Variants in COL6A1 observed in about 807,000 individuals in gnomAD.
COL6A1 encodes the protein collagen type VI alpha 1 chain, also known as collagen alpha-1(VI) chain.
In COL6A1, 80 loss-of-function variants were observed where a neutral mutation model predicts 145.6. The ratio of observed to expected loss-of-function variants is 0.55; its 90% confidence interval spans 0.46 to 0.66. The LOEUF (loss-of-function observed/expected upper bound fraction) is 0.66. Ranked by LOEUF, COL6A1 falls within the 30% of genes least tolerant of loss-of-function variation. The probability of loss-of-function intolerance (pLI) is 0.00; values close to 1 mark genes in which losing one functional copy is unlikely to be tolerated. For synonymous variants in COL6A1, 638 were observed against 622.8 expected (o/e 1.02, Z -0.36); for missense variants, 1,364 against 1,473.8 (o/e 0.93, Z 1.22).
chr21:45,990,920 T>A, intron 14 of COL6A1, 59 bp from the exon 15 acceptor site: 1 of 1,610,264 alleles, frequency 6.2e-7, no homozygotes, highest in South Asian at 1.1e-5. Flanking sequence ...GGTCTGGGGC[T>A]GCTGCCAGAG....
At chr21:45,988,657 A>G (rs981188815) in intron 8 of COL6A1, among the ~76,000 whole-genome samples, 2 of 152,144 alleles carry the variant, frequency 1.3e-5, no homozygotes, top group Non-Finnish European at 2.9e-5. Context: ...TGTGTGGCTC[A>G]CATAGGATGA....
At chr21:45,998,743 C>G (rs967917473) in intron 24 of COL6A1, among the ~76,000 whole-genome samples, 154 bp from the exon 25 acceptor site, 3 of 152,252 alleles carry the variant, frequency 2.0e-5, no homozygotes, top group Non-Finnish European at 4.4e-5. Context: ...CTAGGCCACT[C>G]CGGGACCCAG....
chr21:45,997,871 A>T, intron 22 of COL6A1, 109 bp downstream of exon 22: 1 of 1,274,418 alleles, frequency 7.8e-7, no homozygotes, highest in Admixed American at 2.3e-5. Context: ...CCGGGCCGGG[A>T]GTGCCCGCAG....
chr21:45,990,665 C>T (rs2077771507), intron 13 of COL6A1, 108 bp from the exon 14 acceptor site: 2 of 1,012,518 alleles, frequency 2.0e-6, no homozygotes, highest in Non-Finnish European at 3.1e-6. Flanking sequence ...CTAGGCAGGG[C>T]TTTCCAGGGA....
chr21:45,982,510 G>A (rs1435510574), intron 1 of COL6A1, 124 bp from the exon 2 acceptor site: 1 of 1,415,924 alleles, frequency 7.1e-7, no homozygotes, highest in Non-Finnish European at 9.8e-7. Flanking sequence ...CCTTTTCCCG[G>A]GAGAGCCTCT....
intron 17 of COL6A1, 57 bp downstream of exon 17, chr21:45,992,274 C>T: frequency 1.9e-6 from 3 of 1,613,532 alleles, no homozygotes; most frequent in South Asian, 1.1e-5. Flanking sequence ...GCTTCTGATC[C>T]TCTTTGCTCG....
rs773119938 is a variant in COL6A1 at position 46,000,374 on chromosome 21, A to G, written c.1813+7A>G. The G allele has an allele frequency of 3.7e-6, 6 of 1,613,930 alleles. No individual in the cohort carries two copies. The South Asian group carries it at 5.5e-5, about 15-fold the overall frequency. On this transcript the variant is annotated splice_region_variant and intron_variant, in intron 28 of 34. Coordinates refer to ENST00000361866, the MANE Select transcript of COL6A1 (RefSeq NM_001848.3). ...ATCATCATGAAAATGTGCTGTGAGT[A>G]TCTCTGAGAAGCCGTCCTCGTTAGG...
chr21:45,999,812 A>G, intron 27 of COL6A1, 120 bp downstream of exon 27: 1 of 826,860 alleles, frequency 1.2e-6, no homozygotes, highest in East Asian at 3.7e-5. Context: ...GGTTGTGGAC[A>G]AAGAGCTGGT....
In COL6A1 at chr21:45,997,684, T is replaced by G. The variant is rs746367774; in HGVS notation, c.1462-16T>G. 8.9e-6 allele frequency: 14 copies of G among 1,579,688 alleles called. No individual in the cohort carries two copies. Among genetic ancestry groups the G allele is most frequent in the African/African-American group, 1.4e-5 (1 of 74,048 alleles). ...ATGCTAAGCCTGCTCCCCTCACGCC[T>G]CCTCTTCCTCCTCAGGGTGCCAGAG... On this transcript the variant is annotated splice_polypyrimidine_tract_variant and intron_variant, in intron 21 of 34. Transcript: ENST00000361866.
rs1487554900 is a variant in COL6A1, at chr21:46,001,261, T to C, written c.1831T>C (p.Cys611Arg). The C allele has an allele frequency of 6.2e-7, 1 of 1,608,476 alleles. No individual in the cohort carries two copies. The highest frequency in any genetic ancestry group is 1.1e-5 in the South Asian group (1 of 91,078). Residue 611 changes from cysteine to arginine, a missense_variant, in exon 30 of 35, where the codon TGC (cysteine) becomes CGC (arginine). By Grantham distance (180) the Cys-to-Arg change is radical. This residue lies in a region of COL6A1 where 938 missense variants were observed against 1,003.8 expected (regional missense o/e 0.93). Coordinates refer to ENST00000361866, the MANE Select transcript of COL6A1 (RefSeq NM_001848.3). ...ACCGCCCCCGCCTGCAGAATGCAAG[T>C]GCGGCCCCATCGACCTCCTGTTCGT... The part of the protein sequence containing the change: ...MKMCSCCECK[C>R]GPIDLLFVLD...
Position 45,982,687 on chromosome 21 carries a change from AG to A in COL6A1, c.153del (p.Arg51SerfsTer2). On this transcript the variant is annotated frameshift_variant, in exon 2 of 35. Coordinates refer to ENST00000361866, the MANE Select transcript of COL6A1 (RefSeq NM_001848.3). LOFTEE classifies it high-confidence loss of function. ...VLDTSESVAL[R>X]LKPYGALVDK... The stretch of plus-strand genomic sequence containing the variant: ...GGACACCTCTGAGAGCGTGGCCCTG[AG>A]GCTGAAGCCCTACGGGGCCCTCGTG... 6.2e-7 allele frequency: 1 copy of A among 1,612,900 alleles called. No homozygotes were observed. Among genetic ancestry groups the A allele is most frequent in the Non-Finnish European group, 8.5e-7 (1 of 1,179,984 alleles).
chr21:46,001,876 A>T, intron 30 of COL6A1, 85 bp from the exon 31 acceptor site: 1 of 1,201,034 alleles, frequency 8.3e-7, no homozygotes, highest in Non-Finnish European at 1.2e-6. Flanking sequence ...CCCTCTGGGC[A>T]CCCGCAGCCA....
Position 45,994,057 on chromosome 21 carries a change from G to A in COL6A1, c.1336-110G>A, listed in dbSNP as rs928370310. On this transcript the variant is annotated intron_variant, in intron 19 of 34. Transcript: ENST00000361866. The surrounding 1 kb of genome is among the most constrained non-coding windows in gnomAD (Gnocchi z 6.8). ...AGGGGCTGTGCGGGGAGGGAAGGCCGGAACAGCCCAGTGACCACCTGGACA... is the reference window on the plus strand; with the variant it reads ...AGGGGCTGTGCGGGGAGGGAAGGCCAGAACAGCCCAGTGACCACCTGGACA... 22 of 1,145,576 alleles carry A rather than the reference G, an allele frequency of 1.9e-5. No individual in the cohort carries two copies. The highest frequency in any genetic ancestry group is 7.7e-5 in the African/African-American group (5 of 65,130). 71.0% of individuals were successfully genotyped at this position (1,145,576 alleles called of 1,614,324 possible).
At chr21:45,983,253 G>A (rs1603589420) in intron 2 of COL6A1, among the ~76,000 whole-genome samples, 1 of 152,286 alleles carries the variant, frequency 6.6e-6, no homozygotes. Context: ...GAGGGGTGTC[G>A]CTCTGCAGCC....
In COL6A1 at chr21:46,004,602, C is replaced by T. The variant is rs1309143257; in HGVS notation, c.*589C>T. ...TTGGGGCAGCCATTGGCCTCTGTCT[C>T]GTTTTGGGAAACCAAGGTCAGGAGG... On this transcript the variant is annotated 3_prime_UTR_variant, in exon 35 of 35. Coordinates refer to ENST00000361866, the MANE Select transcript of COL6A1 (RefSeq NM_001848.3). 3 of 386,352 alleles carry T rather than the reference C, an allele frequency of 7.8e-6. No individual in the cohort carries two copies. Among genetic ancestry groups the T allele is most frequent in the East Asian group, 7.8e-5 (1 of 12,846 alleles). 23.9% of individuals were successfully genotyped at this position (386,352 alleles called of 1,614,324 possible).
At chr21:45,989,884 T>TG in intron 11 of COL6A1, 106 bp downstream of exon 11, 1 of 1,440,562 alleles carries the variant, frequency 6.9e-7, no homozygotes, top group Non-Finnish European at 9.7e-7. Flanking sequence ...GGAGACCACG[T>TG]GTCCTGCAGA....
chr21:46,003,135 A>C lies in COL6A1; in HGVS notation c.2450A>C (p.Asp817Ala). The change falls in exon 34 of 35, where the codon GAT (aspartate) becomes GCT (alanine). Residue 817 changes from aspartate (D) to alanine (A), a missense_variant. By Grantham distance (126) the Asp-to-Ala change is moderately radical. Transcript: ENST00000361866. Reference protein sequence around the residue: ...AQICIDKKCPDYTCPITFSSP... With the variant: ...AQICIDKKCPAYTCPITFSSP... The stretch of plus-strand genomic sequence containing the variant: ...TCTTTTACAGACAAGAAGTGTCCAG[A>C]TTACACCTGCCCCAGTGAGTACCTC... 1 of 1,614,030 alleles carries C rather than the reference A, an allele frequency of 6.2e-7. No individual in the cohort carries two copies. The highest frequency in any genetic ancestry group is 8.5e-7 in the Non-Finnish European group (1 of 1,179,958).
In COL6A1 at chr21:45,995,581, A is replaced by G. The variant is rs540467162; in HGVS notation, c.1398+1352A>G. 7.9e-5 allele frequency among the ~76,000 whole-genome samples: 12 copies of G among 152,354 alleles called. No individual in the cohort carries two copies. In the South Asian group the frequency reaches 2.5e-3, roughly 32 times the overall value. On this transcript the variant is annotated intron_variant, in intron 20 of 34. Coordinates refer to ENST00000361866, the MANE Select transcript of COL6A1 (RefSeq NM_001848.3). ...TATATGTTCAGTTTTCAAAGTAATC[A>G]ATAGCCACTATAAGAAAAAAACAAA...
chr21:45,986,422 G>A (rs1479959849), intron 3 of COL6A1, 104 bp from the exon 4 acceptor site: 3 of 1,146,066 alleles, frequency 2.6e-6, no homozygotes, highest in Admixed American at 2.0e-5. Context: ...AAGAGAGGCG[G>A]CTCCTCCCGG....
Sources: gnomAD v4.1 joint callset for allele counts (sites outside exome capture counted in the v4.1 genomes callset) on GRCh38, gnomAD v4.1.1 for gene constraint, gnomAD v4.1.1 regional missense constraint, Gnocchi (gnomAD v3.1) non-coding constraint, MANE v1.5 for transcripts, NCBI Gene and HGNC (gene_info 2026-07-23, HGNC 2026-07-21) for gene names.